KIAA0408: variants seen among roughly 807,000 people sequenced by gnomAD.
KIAA0408 encodes the protein KIAA0408.
KIAA0408 carries 51 observed loss-of-function variants against 60.9 expected under a neutral mutation model. The observed-to-expected ratio is 0.84, with a 90% CI of 0.67 to 1.06. KIAA0408 has a LOEUF of 1.06. KIAA0408 is among the 50% of genes least tolerant of loss of function. KIAA0408 has a pLI of 0.00. For missense variants in KIAA0408, 787 were observed against 833.9 expected, an observed-to-expected ratio of 0.94 and a Z score of 0.69; for synonymous variants, 304 against 282.4, an observed-to-expected ratio of 1.08 and a Z score of -0.77.
intron 1 of KIAA0408, among the ~76,000 whole-genome samples, chr6:127,456,899 C>T (rs1029192455): frequency 6.6e-6 from 1 of 151,948 alleles, no homozygotes; most frequent in Non-Finnish European, 1.5e-5. Flanking sequence ...ATACTTGGTT[C>T]TTGTTTTCTT....
rs751096291 is a variant in KIAA0408 at position 127,447,236 on chromosome 6, C to A, written c.1083G>T (p.Trp361Cys). The A allele has an allele frequency of 6.2e-7, 1 of 1,613,410 alleles. No homozygotes were observed. Among genetic ancestry groups the A allele is most frequent in the Non-Finnish European group, 8.5e-7 (1 of 1,179,726 alleles). The change falls in exon 5 of 6, where the codon TGG becomes TGT. Residue 361 changes from tryptophan to cysteine, a missense_variant. By Grantham distance (215) the Trp-to-Cys change is radical (BLOSUM62 -2). Coordinates refer to ENST00000483725, the MANE Select transcript of KIAA0408 (RefSeq NM_014702.5). ...TTGCACCTATCCCAATGTCACATGA[C>A]CACATGCTAAGTCCAACATCTTCAT... The part of the protein sequence containing the change: ...PSNEDVGLSM[W>C]SCDIGIGAKR...
In KIAA0408 at chr6:127,447,454, A is replaced by G. The variant is rs1335018258; in HGVS notation, c.865T>C (p.Trp289Arg). 2.5e-6 allele frequency: 4 copies of G among 1,613,808 alleles called. No individual in the cohort carries two copies. Among genetic ancestry groups the G allele is most frequent in the Admixed American group, 3.3e-5 (2 of 59,974 alleles). ...SSDSEQAYER[W>R]KERLDHNSWV... ...CTGTTGTGGTCTAACCTTTCCTTCC[A>G]TCTTTCATAGGCTTGTTCAGAATCC... Residue 289 changes from tryptophan to arginine, a missense_variant, in exon 5 of 6, where the codon TGG becomes CGG. By Grantham distance (101) the Trp-to-Arg change is moderately radical (BLOSUM62 -3). Around this residue, in one of 3 missense-constraint regions of KIAA0408, gnomAD observed 640 missense variants for 681.3 expected, o/e 0.94. Coordinates refer to ENST00000483725, the MANE Select transcript of KIAA0408 (RefSeq NM_014702.5).
chr6:127,453,884 T>C lies in KIAA0408; in HGVS notation c.98A>G (p.Glu33Gly), dbSNP rs765517452. The C allele has an allele frequency of 2.5e-6, 4 of 1,612,942 alleles. No individual in the cohort carries two copies. In the East Asian group the frequency reaches 8.9e-5, roughly 36 times the overall value. The change falls in exon 2 of 6, where the codon GAA (glutamate) becomes GGA (glycine). Residue 33 changes from glutamate to glycine, a missense_variant. By Grantham distance (98) the Glu-to-Gly change is moderately conservative. Coordinates refer to ENST00000483725, the MANE Select transcript of KIAA0408 (RefSeq NM_014702.5). ...CTTCTGCATAATCTTCCATTGACTT[T>C]CCCATTCCTTTCTTTCATTGTCAAA... ...DQFDNERKEW[E>G]SQWKIMQKKI...
chr6:127,447,872 C>T (rs2114794649), intron 4 of KIAA0408, 132 bp from the exon 5 acceptor site: 3 of 1,183,848 alleles, frequency 2.5e-6, no homozygotes, highest in Non-Finnish European at 3.3e-6. Flanking sequence ...ATCATTTTTA[C>T]ATAAATCTCC....
chr6:127,444,480 T>C (rs6906417), intron 5 of KIAA0408, among the ~76,000 whole-genome samples, 198 bp from the exon 6 acceptor site: 83,425 of 151,974 alleles, frequency 0.55, 23,804 homozygotes, highest in Non-Finnish European at 0.59. Context: ...TGGAATATGA[T>C]ATTTGATAAT....
chr6:127,458,923 G>A (rs752342101), intron 1 of KIAA0408, among the ~76,000 whole-genome samples: 7 of 152,154 alleles, frequency 4.6e-5, no homozygotes, highest in Admixed American at 3.3e-4. Context: ...CTCAAAGAGC[G>A]GATGGTACTG....
rs1250528313 is a variant in KIAA0408 at position 127,443,573 on chromosome 6, T to C, written c.*536A>G. The C allele has an allele frequency of 6.6e-6, 1 of 152,368 alleles. No individual in the cohort carries two copies. The highest frequency in any genetic ancestry group is 1.5e-5 in the Non-Finnish European group (1 of 68,152). 9.4% of individuals were successfully genotyped at this position (152,368 alleles called of 1,614,324 possible). A position where few individuals can be genotyped will look rare whatever the true frequency, so the allele number is the denominator to read the frequency against. ...TGTGCATAATTCTTCTTTTTCATTG[T>C]AGCTGGGGGCCAAGGAAGTGGTCAA... On this transcript the variant is annotated 3_prime_UTR_variant, in exon 6 of 6. Coordinates refer to ENST00000483725, the MANE Select transcript of KIAA0408 (RefSeq NM_014702.5).
Position 127,447,383 on chromosome 6 carries a change from G to A in KIAA0408, c.936C>T (p.His312=). ...EGRSKRNYNP[H]FPLRQQEMSM... ...ACATCTCTTGTTGTCTCAAAGGGAA[G>A]TGAGGGTTGTAATTCCTTTTACTTC... The change falls in exon 5 of 6, where the codon CAC becomes CAT. Residue 312 remains histidine (H), a synonymous_variant. Transcript: ENST00000483725. The A allele has an allele frequency of 6.2e-7, 1 of 1,612,632 alleles. No individual in the cohort carries two copies.
rs1199509026 is a variant in KIAA0408 at position 127,442,228 on chromosome 6, T to A, written c.*1881A>T. 1 of 152,206 alleles carries A rather than the reference T, an allele frequency of 6.6e-6. No individual in the cohort carries two copies. The highest frequency in any genetic ancestry group is 2.4e-5 in the African/African-American group (1 of 41,452). 9.4% of individuals were successfully genotyped at this position (152,206 alleles called of 1,614,324 possible). On this transcript the variant is annotated 3_prime_UTR_variant, in exon 6 of 6. Transcript: ENST00000483725. ...CCTCAATATTCTAAGGAACCACAGA[T>A]CATACCAGACTACTTGGGATACACT...
rs1215818303 is a variant in KIAA0408 at position 127,447,063 on chromosome 6, C to T, written c.1256G>A (p.Ser419Asn). ...ACAACTGAAATTTCTAAGTGGGCTA[C>T]TGCTCTCTGCTACTGAGGAGCTACA... is the stretch of plus-strand genomic sequence containing the variant. ...NDCSSSVAESSSPLRNFSCGF... is the reference protein window; with the variant it reads ...NDCSSSVAESNSPLRNFSCGF... Residue 419 changes from serine to asparagine, a missense_variant, in exon 5 of 6, where the codon AGT becomes AAT. Ser to Asn is a conservative substitution (Grantham distance 46). Coordinates refer to ENST00000483725, the MANE Select transcript of KIAA0408 (RefSeq NM_014702.5). 6.2e-7 allele frequency: 1 copy of T among 1,613,600 alleles called. No homozygotes were observed. The highest frequency in any genetic ancestry group is 8.5e-7 in the Non-Finnish European group (1 of 1,179,900).
rs1773131246 is a variant in KIAA0408 at position 127,443,055 on chromosome 6, C to T, written c.*1054G>A. On this transcript the variant is annotated 3_prime_UTR_variant, in exon 6 of 6. Coordinates refer to ENST00000483725, the MANE Select transcript of KIAA0408 (RefSeq NM_014702.5). ...TCAAAGAAATATTATTCCTGATCTT[C>T]CTTGTTAGTAAAAAAGTAACTTAGT... 6.6e-6 allele frequency: 1 copy of T among 151,938 alleles called. No individual in the cohort carries two copies. Among genetic ancestry groups the T allele is most frequent in the Non-Finnish European group, 1.5e-5 (1 of 67,970 alleles). The allele number at this position is 151,938 out of a possible 1,614,324, so 9.4% of individuals were successfully genotyped here.
In KIAA0408 at chr6:127,447,490, A is replaced by G; in HGVS notation, c.829T>C (p.Phe277Leu). Residue 277 changes from phenylalanine to leucine, a missense_variant, in exon 5 of 6, where the codon TTT (phenylalanine) becomes CTT (leucine). Transcript: ENST00000483725. Reference sequence around the variant, plus strand: ...GCTTGTTCAGAATCCGAGCTGGGAAAATTTCGAGAGGTGCTTCTTGGAGGA... The same window carrying G: ...GCTTGTTCAGAATCCGAGCTGGGAAGATTTCGAGAGGTGCTTCTTGGAGGA... ...VPPPRSTSRN[F>L]PSSDSEQAYE... The G allele has an allele frequency of 6.2e-7, 1 of 1,613,588 alleles. No individual in the cohort carries two copies. Among genetic ancestry groups the G allele is most frequent in the East Asian group, 2.2e-5 (1 of 44,870 alleles).
chr6:127,454,263 A>G, intron 1 of KIAA0408, 162 bp from the exon 2 acceptor site: 1 of 586,610 alleles, frequency 1.7e-6, no homozygotes, highest in Non-Finnish European at 2.3e-6. Flanking sequence ...TAACACAGTC[A>G]ATAAAGTAAT....
At chr6:127,452,372 G>A (rs1271247534) in intron 2 of KIAA0408, among the ~76,000 whole-genome samples, 6 of 152,052 alleles carry the variant, frequency 3.9e-5, no homozygotes, top group Non-Finnish European at 7.4e-5. Flanking sequence ...ATAAACAGCA[G>A]TACAGCTACT....
At chr6:127,445,532 C>T (rs983389426) in intron 5 of KIAA0408, among the ~76,000 whole-genome samples, 6 of 152,148 alleles carry the variant, frequency 3.9e-5, no homozygotes, top group African/African-American at 1.4e-4. Flanking sequence ...AAGCAACTTG[C>T]ATAATAGTTT....
intron 4 of KIAA0408, among the ~76,000 whole-genome samples, chr6:127,448,570 A>G (rs960266817): frequency 6.6e-6 from 1 of 151,858 alleles, no homozygotes; most frequent in East Asian, 1.9e-4. Context: ...ATTAAATAAA[A>G]AACTAAATAT....
chr6:127,446,785 G>A lies in KIAA0408; in HGVS notation c.1534C>T (p.Pro512Ser). 2 of 1,613,994 alleles carry A rather than the reference G, an allele frequency of 1.2e-6. No homozygotes were observed. Among genetic ancestry groups the A allele is most frequent in the Non-Finnish European group, 1.7e-6 (2 of 1,179,998 alleles). ...AGGCCTGTTGTGGATTTCTTGGTGGGATTATCAGGCACATTTTCCATGGGC... is the reference window on the plus strand; with the variant it reads ...AGGCCTGTTGTGGATTTCTTGGTGGAATTATCAGGCACATTTTCCATGGGC... ...PVPMENVPDN[P>S]TKKSTTGLVR... is the part of the protein sequence containing the mutation. Residue 512 changes from proline to serine, a missense_variant, in exon 5 of 6, where the codon CCC becomes TCC. This residue lies in a region of KIAA0408 where 640 missense variants were observed against 681.3 expected (regional missense o/e 0.94). Transcript: ENST00000483725.
intron 2 of KIAA0408, among the ~76,000 whole-genome samples, chr6:127,452,838 T>C (rs957355645): frequency 8.5e-5 from 13 of 152,052 alleles, no homozygotes; most frequent in African/African-American, 3.1e-4. Context: ...TTCTAAACTA[T>C]AGAGGGACAA....
Position 127,444,161 on chromosome 6 carries a change from C to A in KIAA0408, c.2033G>T (p.Arg678Ile), listed in dbSNP as rs746294173. The change falls in exon 6 of 6, where the codon AGA becomes ATA. Residue 678 changes from arginine to isoleucine, a missense_variant. By Grantham distance (97) the Arg-to-Ile change is moderately conservative (BLOSUM62 -3). Coordinates refer to ENST00000483725, the MANE Select transcript of KIAA0408 (RefSeq NM_014702.5). ...RSPSAPPALR[R>I]TTHNYTISLR... is the part of the protein sequence containing the mutation. ...AGAAATGGTATAGTTGTGGGTAGTT[C>A]TCCGCAAGGCAGGGGGTGCAGATGG... The A allele has an allele frequency of 3.1e-6, 5 of 1,613,832 alleles. No individual in the cohort carries two copies. Among genetic ancestry groups the A allele is most frequent in the Non-Finnish European group, 3.4e-6 (4 of 1,179,964 alleles).
Sources: gnomAD v4.1 joint callset for allele counts (sites outside exome capture counted in the v4.1 genomes callset) on GRCh38, gnomAD v4.1.1 for gene constraint, gnomAD v4.1.1 regional missense constraint, MANE v1.5 for transcripts, NCBI Gene and HGNC (gene_info 2026-07-23, HGNC 2026-07-21) for gene names.